Variants in EFNA5 observed in about 807,000 individuals in gnomAD.
EFNA5 encodes ephrin-A5.
A neutral mutation model predicts 22.9 loss-of-function variants in EFNA5; 5 were observed. The ratio of observed to expected loss-of-function variants is 0.22; its 90% CI spans 0.11 to 0.46. The LOEUF (loss-of-function observed/expected upper bound fraction) is 0.46, where lower values mean the gene tolerates loss of function less well. EFNA5 is among the 20% of genes least tolerant of loss of function. The probability of loss-of-function intolerance (pLI) is 0.99; values close to 1 mark genes in which losing one functional copy is unlikely to be tolerated. For synonymous variants in EFNA5, 113 were observed against 112.2 expected (o/e 1.01, Z -0.04); for missense variants, 237 against 293.3 (o/e 0.81, Z 1.40).
At chr5:107,581,932 A>T (rs1749082027) in intron 1 of EFNA5, among the ~76,000 whole-genome samples, 1 of 152,210 alleles carries the variant, frequency 6.6e-6, no homozygotes, top group Non-Finnish European at 1.5e-5. Context: ...CATCAAATGC[A>T]AAGAAGTAAA....
At chr5:107,594,683 C>T (rs1749439238) in intron 1 of EFNA5, among the ~76,000 whole-genome samples, 1 of 152,190 alleles carries the variant, frequency 6.6e-6, no homozygotes, top group Non-Finnish European at 1.5e-5. Context: ...TCAGGGCCTG[C>T]TTTCTCCCAA....
chr5:107,625,033 A>G (rs1282952149), intron 1 of EFNA5, among the ~76,000 whole-genome samples: 2 of 152,166 alleles, frequency 1.3e-5, no homozygotes, highest in Non-Finnish European at 2.9e-5. Context: ...TGCTGGCCTT[A>G]ACGCAATTCA....
intron 1 of EFNA5, among the ~76,000 whole-genome samples, chr5:107,472,731 A>C (rs746242469): frequency 1.3e-5 from 2 of 152,216 alleles, no homozygotes; most frequent in Non-Finnish European, 2.9e-5. Context: ...ACAGAGATCA[A>C]GCCAAGCCAG....
chr5:107,423,278 T>C (rs1284939131), intron 2 of EFNA5, among the ~76,000 whole-genome samples: 1 of 152,134 alleles, frequency 6.6e-6, no homozygotes, highest in Non-Finnish European at 1.5e-5. Flanking sequence ...AAAGATAACT[T>C]ATTAAAAGGA....
At chr5:107,417,297 A>G (rs913372580) in intron 2 of EFNA5, among the ~76,000 whole-genome samples, 1 of 152,168 alleles carries the variant, frequency 6.6e-6, no homozygotes, top group Non-Finnish European at 1.5e-5. Context: ...CTGTTCTCCA[A>G]TTCATGATAT....
At chr5:107,402,189 T>C (rs1361727870) in intron 2 of EFNA5, among the ~76,000 whole-genome samples, 1 of 152,176 alleles carries the variant, frequency 6.6e-6, no homozygotes, top group East Asian at 1.9e-4. Flanking sequence ...TTCTGGTAAA[T>C]GTCTGCATTA....
intron 1 of EFNA5, among the ~76,000 whole-genome samples, chr5:107,606,071 C>T (rs1209042130): frequency 6.6e-6 from 1 of 152,200 alleles, no homozygotes; most frequent in Non-Finnish European, 1.5e-5. Flanking sequence ...TGCTCCAAAT[C>T]AATGCAGCAT....
intron 1 of EFNA5, among the ~76,000 whole-genome samples, chr5:107,630,126 G>T (rs1750218817): frequency 2.6e-5 from 4 of 152,156 alleles, no homozygotes; most frequent in Admixed American, 2.6e-4. Context: ...GCTATCATTA[G>T]TGTTAGTGTA....
chr5:107,595,833 T>C (rs1749462798), intron 1 of EFNA5, among the ~76,000 whole-genome samples: 1 of 152,154 alleles, frequency 6.6e-6, no homozygotes, highest in African/African-American at 2.4e-5. Context: ...GGGGATAAAA[T>C]ACGCACTTCA....
At position 107,622,660 on chromosome 5, in the gene EFNA5, T is replaced by C. The variant is rs1366460291; in HGVS notation, c.125+47829A>G. On this transcript the variant is annotated intron_variant, in intron 1 of 4. Coordinates refer to ENST00000333274, the MANE Select transcript of EFNA5 (RefSeq NM_001962.3). ...TAACAACATCCTGATGTCAATATTA[T>C]TATTTTCATTTTACTCCTTAGAAAA... Among the ~76,000 whole-genome samples, 4 of 152,168 alleles carry C rather than the reference T, an allele frequency of 2.6e-5. 1 individual carries two copies. In the South Asian group the frequency reaches 6.2e-4, roughly 24 times the overall value.
At chr5:107,569,031 T>C (rs1410041476) in intron 1 of EFNA5, among the ~76,000 whole-genome samples, 1 of 152,168 alleles carries the variant, frequency 6.6e-6, no homozygotes, top group Non-Finnish European at 1.5e-5. Flanking sequence ...GTCCTTTTCC[T>C]GAGCTTTTAA....
intron 1 of EFNA5, among the ~76,000 whole-genome samples, chr5:107,648,672 G>T (rs1750673041): frequency 6.6e-6 from 1 of 152,008 alleles, no homozygotes; most frequent in Non-Finnish European, 1.5e-5. Flanking sequence ...CTCTGATAAG[G>T]GATGTTGGAT....
intron 1 of EFNA5, among the ~76,000 whole-genome samples, chr5:107,447,267 C>T (rs1749422504): frequency 6.6e-6 from 1 of 152,266 alleles, no homozygotes; most frequent in East Asian, 1.9e-4. Flanking sequence ...CTGCATTAGA[C>T]TAAATGATGT....
intron 1 of EFNA5, among the ~76,000 whole-genome samples, chr5:107,650,084 G>C (rs894471168): frequency 2.0e-5 from 3 of 152,052 alleles, no homozygotes; most frequent in Non-Finnish European, 4.4e-5. Context: ...CAAAAATGCA[G>C]ATAACATATA....
chr5:107,399,222 C>G (rs949881338), intron 2 of EFNA5, among the ~76,000 whole-genome samples: 1 of 151,700 alleles, frequency 6.6e-6, no homozygotes, highest in African/African-American at 2.4e-5. Flanking sequence ...GAGGCCAAGG[C>G]GGGCAGATCA....
chr5:107,590,209 G>A (rs1749288360), intron 1 of EFNA5, among the ~76,000 whole-genome samples: 1 of 152,106 alleles, frequency 6.6e-6, no homozygotes, highest in South Asian at 2.1e-4. Context: ...AGAAAAAAAT[G>A]CTAAAAGAAA....
intron 1 of EFNA5, among the ~76,000 whole-genome samples, chr5:107,475,903 T>C (rs1482486859): frequency 4.0e-5 from 6 of 150,856 alleles, no homozygotes; most frequent in Admixed American, 2.0e-4. Flanking sequence ...CCTTTAAAAA[T>C]GCTAATATCA....
chr5:107,621,467 A>G (rs1750035344), intron 1 of EFNA5, among the ~76,000 whole-genome samples: 1 of 152,334 alleles, frequency 6.6e-6, no homozygotes. Context: ...GGATCCCCCT[A>G]AAACAATGTG....
chr5:107,576,033 T>G (rs971776431), intron 1 of EFNA5, among the ~76,000 whole-genome samples: 2 of 152,234 alleles, frequency 1.3e-5, no homozygotes, highest in Non-Finnish European at 2.9e-5. Context: ...CTTAAATGGT[T>G]GTATTAAACA....
Sources: gnomAD v4.1 joint callset for allele counts (sites outside exome capture counted in the v4.1 genomes callset) on GRCh38, gnomAD v4.1.1 for gene constraint, MANE v1.5 for transcripts, NCBI Gene and HGNC (gene_info 2026-07-23, HGNC 2026-07-21) for gene names.